The following KDM2B variants were observed in gnomAD, a reference collection of about 807,000 sequenced individuals.
The protein encoded by KDM2B is lysine demethylase 2B, also known as lysine-specific demethylase 2B.
In KDM2B, 26 loss-of-function variants were observed where a neutral mutation model predicts 150.0. The observed-to-expected ratio is 0.17, with a 90% CI of 0.13 to 0.24. KDM2B has a LOEUF of 0.24. Among genes scored for constraint, KDM2B ranks in the 10% least tolerant of loss-of-function variants. The pLI is 1.00. For missense variants in KDM2B, 1,265 were observed against 1,816.9 expected (o/e 0.70, Z 5.52); for synonymous variants, 734 against 729.5 (o/e 1.01, Z -0.10).
Position 121,521,305 on chromosome 12 carries a change from C to T in KDM2B, c.932-205G>A, listed in dbSNP as rs903575985. On this transcript the variant is annotated intron_variant, in intron 8 of 22. Coordinates refer to ENST00000377071, the MANE Select transcript of KDM2B (RefSeq NM_032590.5). This position sits in a 1 kb window ranked among gnomAD's most constrained non-coding sequence, Gnocchi z 4.9. ...CCGAGAGGACTCAGACTTGCAGCCT[C>T]GAGCAGCCACTGTCTGGCTCAAGTC... 6.6e-6 allele frequency among the ~76,000 whole-genome samples: 1 copy of T among 152,178 alleles called. No homozygotes were observed. The highest frequency in any genetic ancestry group is 1.5e-5 in the Non-Finnish European group (1 of 68,032).
the KDM2B span, chr12:121,417,675 C>T: frequency 1.9e-6 from 3 of 1,614,146 alleles, no homozygotes; most frequent in South Asian, 3.3e-5. This position sits in a 1 kb window ranked among gnomAD's most constrained non-coding sequence, Gnocchi z 5.0. Flanking sequence ...GAGAAATATA[C>T]CCATAGATAC....
rs1889278019 is a variant in KDM2B, at chr12:121,548,979, T to C, written c.581A>G (p.Asp194Gly). Reference sequence around the variant, plus strand: ...CATGTTGTCCACCCAGTCCACCAGGTCTACCTGAAAGCCAGACCAGTGTGA... The same window carrying C: ...CATGTTGTCCACCCAGTCCACCAGGCCTACCTGAAAGCCAGACCAGTGTGA... ...EHLVKRPTVV[D>G]LVDWVDNMWP... is the part of the protein sequence containing the mutation. The change falls in exon 6 of 23, where the codon GAC (aspartate) becomes GGC (glycine). Residue 194 changes from aspartate to glycine, a missense_variant. Physicochemically the swap from Asp to Gly is moderately conservative, Grantham distance 94. Coordinates refer to ENST00000377071, the MANE Select transcript of KDM2B (RefSeq NM_032590.5). The C allele has an allele frequency of 6.2e-7, 1 of 1,613,668 alleles. No individual in the cohort carries two copies. Among genetic ancestry groups the C allele is most frequent in the Non-Finnish European group, 8.5e-7 (1 of 1,179,574 alleles).
At chr12:121,434,933 GGCGACAGA>G (rs1873723389) in intron 22 of KDM2B, among the ~76,000 whole-genome samples, 1 of 151,968 alleles carries the variant, frequency 6.6e-6, no homozygotes, top group Non-Finnish European at 1.5e-5. Flanking sequence ...CTCAAACCTG[GGCGACAGA>G]GCAAGACTTT....
chr12:121,508,231 C>A (rs1486027308), intron 11 of KDM2B, among the ~76,000 whole-genome samples: 1 of 152,002 alleles, frequency 6.6e-6, no homozygotes, highest in Non-Finnish European at 1.5e-5. Context: ...GGACTACAGG[C>A]ACAGGCCACT....
chr12:121,540,346 A>G (rs1555309528), intron 6 of KDM2B, among the ~76,000 whole-genome samples: 1 of 152,176 alleles, frequency 6.6e-6, no homozygotes, highest in Admixed American at 6.5e-5. Flanking sequence ...ATGATCATTT[A>G]TAATGCCAGC....
intron 6 of KDM2B, among the ~76,000 whole-genome samples, chr12:121,547,239 G>A (rs955460285): frequency 6.6e-6 from 1 of 152,060 alleles, no homozygotes; most frequent in Non-Finnish European, 1.5e-5. Context: ...CAAACAGAAT[G>A]GAATTGAAAA....
rs1555295074 is a variant in KDM2B at position 121,467,325 on chromosome 12, G to T, written c.1735-13981C>A. ...TGGCTCGGGCTCGGGCTCGGGCTCG[G>T]GCTCCCGCTGCCGCGAGGAGGGAGC... On this transcript the variant is annotated intron_variant, in intron 12 of 22. Transcript: ENST00000377071. The surrounding 1 kb of genome is among the most constrained non-coding windows in gnomAD (Gnocchi z 5.1). The T allele has an allele frequency of 3.1e-6, 3 of 982,378 alleles. No homozygotes were observed. Among genetic ancestry groups the T allele is most frequent in the South Asian group, 4.5e-5 (1 of 22,088 alleles). 60.9% of individuals were successfully genotyped at this position (982,378 alleles called of 1,614,324 possible).
chr12:121,564,242 G>A (rs1284762820), intron 4 of KDM2B, among the ~76,000 whole-genome samples: 1 of 151,978 alleles, frequency 6.6e-6, no homozygotes, highest in African/African-American at 2.4e-5. Flanking sequence ...TGGATCACGA[G>A]GTCAGGAGAT....
intron 19 of KDM2B, among the ~76,000 whole-genome samples, chr12:121,441,882 C>G (rs11065578): frequency 0.34 from 52,269 of 152,108 alleles, 9,707 homozygotes; most frequent in East Asian, 0.44. Flanking sequence ...AGTTGCAACT[C>G]GCAGCCTTGC....
chr12:121,465,083 T>C (rs750385266), intron 12 of KDM2B, among the ~76,000 whole-genome samples: 1 of 151,178 alleles, frequency 6.6e-6, no homozygotes, highest in Non-Finnish European at 1.5e-5. Context: ...GTGCACTGAG[T>C]GGGAAAAAAA....
chr12:121,562,177 G>A (rs1890387043), intron 4 of KDM2B, among the ~76,000 whole-genome samples: 1 of 147,744 alleles, frequency 6.8e-6, no homozygotes, highest in Non-Finnish European at 1.5e-5. Flanking sequence ...CTGTCTTGGG[G>A]AAAAAAAAAA....
Position 121,441,710 on chromosome 12 carries a change from G to A in KDM2B, c.3284+447C>T, listed in dbSNP as rs574449471. Among the ~76,000 whole-genome samples the A allele has an allele frequency of 3.3e-5, 5 of 152,302 alleles. No homozygotes were observed. The East Asian group carries it at 9.6e-4, about 29-fold the overall frequency. ...CAAAGCGCTAGGATTACAGGCATGA[G>A]CCACTGCGCCCGGCCTCCATCAAGT... is the stretch of plus-strand genomic sequence containing the variant. On this transcript the variant is annotated intron_variant, in intron 19 of 22. Transcript: ENST00000377071.
chr12:121,536,013 C>T, intron 6 of KDM2B: 3 of 980,798 alleles, frequency 3.1e-6, no homozygotes, highest in Non-Finnish European at 3.6e-6. Context: ...ATGCTTACCC[C>T]ACTGACCTCT....
intron 12 of KDM2B, among the ~76,000 whole-genome samples, chr12:121,490,744 A>C (rs1485435459): frequency 6.6e-6 from 1 of 152,176 alleles, no homozygotes; most frequent in Non-Finnish European, 1.5e-5. Context: ...ATGGTGATAG[A>C]TGGTGGCTCA....
At chr12:121,476,012 A>G (rs1438227217) in intron 12 of KDM2B, among the ~76,000 whole-genome samples, 3 of 151,666 alleles carry the variant, frequency 2.0e-5, no homozygotes, top group African/African-American at 7.3e-5. Flanking sequence ...AAAAAAAAAA[A>G]TGCCCGGCAC....
At chr12:121,536,140 G>A in intron 6 of KDM2B, 3 of 981,662 alleles carry the variant, frequency 3.1e-6, no homozygotes, top group Non-Finnish European at 3.6e-6. Context: ...CGGGGAGTGG[G>A]GCTGAGCTGG....
At chr12:121,478,253 C>G (rs1881611571) in intron 12 of KDM2B, among the ~76,000 whole-genome samples, 2 of 151,880 alleles carry the variant, frequency 1.3e-5, no homozygotes, top group South Asian at 4.1e-4. Context: ...TCGAAGGGGA[C>G]TGGTGTACAG....
At chr12:121,423,377 G>A in the KDM2B span, 1 of 1,596,230 alleles carries the variant, frequency 6.3e-7, no homozygotes, top group Non-Finnish European at 8.6e-7. The surrounding 1 kb of genome is among the most constrained non-coding windows in gnomAD (Gnocchi z 4.3). Flanking sequence ...GCTCTCTGTT[G>A]CCTTTCAGAT....
intron 11 of KDM2B, among the ~76,000 whole-genome samples, chr12:121,497,838 C>A (rs1034149104): frequency 3.3e-5 from 5 of 151,952 alleles, no homozygotes; most frequent in Non-Finnish European, 7.4e-5. Context: ...TGGCTCACGC[C>A]TGTAATCCCA....
Sources: gnomAD v4.1 joint callset for allele counts (sites outside exome capture counted in the v4.1 genomes callset) on GRCh38, gnomAD v4.1.1 for gene constraint, Gnocchi (gnomAD v3.1) non-coding constraint, MANE v1.5 for transcripts, NCBI Gene and HGNC (gene_info 2026-07-23, HGNC 2026-07-21) for gene names.